Variants in CD247 observed in about 807,000 individuals in gnomAD.
CD247 encodes T-cell surface glycoprotein CD3 zeta chain.
CD247 carries 13 observed loss-of-function variants against 30.0 expected under a neutral mutation model. That is an observed-to-expected ratio of 0.43 (90% CI 0.28 to 0.69). CD247 has a LOEUF of 0.69. CD247 is among the 30% of genes least tolerant of loss of function. The pLI, the probability that CD247 is intolerant of heterozygous loss-of-function variation, is 0.16. For missense variants in CD247, 193 were observed against 212.6 expected, an observed-to-expected ratio of 0.91 and a Z score of 0.57; for synonymous variants, 72 against 80.0, an observed-to-expected ratio of 0.90 and a Z score of 0.53.
intron 1 of CD247, among the ~76,000 whole-genome samples, chr1:167,450,548 A>G (rs1312713805): frequency 6.6e-6 from 1 of 152,230 alleles, no homozygotes; most frequent in Non-Finnish European, 1.5e-5. Context: ...GCTAAGACTA[A>G]TAGTCCAAGA....
chr1:167,518,021 AC>A (rs1355628067), intron 1 of CD247, among the ~76,000 whole-genome samples: 2 of 152,150 alleles, frequency 1.3e-5, no homozygotes, highest in Non-Finnish European at 2.9e-5. Flanking sequence ...AGGGACTAGA[AC>A]GTCGCAGCAC....
intron 1 of CD247, among the ~76,000 whole-genome samples, chr1:167,488,892 G>A (rs1654323460): frequency 6.6e-6 from 1 of 152,308 alleles, no homozygotes; most frequent in African/African-American, 2.4e-5. Context: ...GGGAAGCGAG[G>A]GTGTGCTGAG....
intron 1 of CD247, among the ~76,000 whole-genome samples, chr1:167,498,754 G>C (rs1056820305): frequency 6.6e-6 from 1 of 152,188 alleles, no homozygotes; most frequent in African/African-American, 2.4e-5. Flanking sequence ...ATTTAGGTCT[G>C]ATTGCCTCAT....
At chr1:167,500,953 G>A (rs1654873114) in intron 1 of CD247, among the ~76,000 whole-genome samples, 2 of 152,022 alleles carry the variant, frequency 1.3e-5, no homozygotes, top group South Asian at 4.1e-4. Context: ...GAGGTGGGGA[G>A]AGGCTTACAG....
At chr1:167,484,929 C>G (rs1411507332) in intron 1 of CD247, among the ~76,000 whole-genome samples, 3 of 152,218 alleles carry the variant, frequency 2.0e-5, no homozygotes, top group Non-Finnish European at 4.4e-5. Flanking sequence ...GGGCTCATTC[C>G]CTGCTGCTCT....
At chr1:167,470,310 A>G (rs962646124) in intron 1 of CD247, among the ~76,000 whole-genome samples, 2 of 152,142 alleles carry the variant, frequency 1.3e-5, no homozygotes, top group Admixed American at 1.3e-4. Context: ...TCGAACATCC[A>G]TTCAATATCT....
intron 5 of CD247, 199 bp from the exon 6 acceptor site, chr1:167,434,275 C>T: frequency 1.6e-6 from 1 of 625,968 alleles, no homozygotes; most frequent in Middle Eastern, 3.2e-4. Flanking sequence ...TCATCCTCAG[C>T]CCTTTGGAGT....
chr1:167,497,784 A>G (rs934754846), intron 1 of CD247, among the ~76,000 whole-genome samples: 9 of 152,168 alleles, frequency 5.9e-5, no homozygotes, highest in Admixed American at 5.9e-4. Context: ...AATTCCACCT[A>G]CAATATCTTT....
At chr1:167,467,787 C>G (rs1006880862) in intron 1 of CD247, among the ~76,000 whole-genome samples, 4 of 152,212 alleles carry the variant, frequency 2.6e-5, no homozygotes, top group African/African-American at 7.2e-5. Flanking sequence ...TGACCTAGGG[C>G]CTCCGTCTGG....
intron 1 of CD247, among the ~76,000 whole-genome samples, chr1:167,479,525 G>A (rs571830220): frequency 4.6e-5 from 7 of 152,190 alleles, no homozygotes; most frequent in Non-Finnish European, 8.8e-5. Flanking sequence ...ACGGCCCAGC[G>A]GTGGCCATGC....
chr1:167,471,835 T>C (rs578190697), intron 1 of CD247, among the ~76,000 whole-genome samples: 198 of 143,820 alleles, frequency 1.4e-3, no homozygotes, highest in African/African-American at 4.7e-3. Context: ...TTCTTTCTTT[T>C]TTTTTTTTTT....
intron 1 of CD247, among the ~76,000 whole-genome samples, chr1:167,478,528 C>T (rs1653846271): frequency 6.6e-6 from 1 of 152,078 alleles, no homozygotes; most frequent in African/African-American, 2.4e-5. Flanking sequence ...CAGTGGAACA[C>T]GGGTCAGATT....
chr1:167,477,030 C>T (rs1433769562), intron 1 of CD247, among the ~76,000 whole-genome samples: 1 of 152,188 alleles, frequency 6.6e-6, no homozygotes, highest in South Asian at 2.1e-4. Context: ...AGGCTATTGG[C>T]CCCACTGTTG....
chr1:167,485,589 G>A (rs1277117491), intron 1 of CD247, among the ~76,000 whole-genome samples: 1 of 152,116 alleles, frequency 6.6e-6, no homozygotes. Flanking sequence ...AGATTAGGGA[G>A]CTGCCTTACT....
chr1:167,452,858 T>C (rs1177840542), intron 1 of CD247, among the ~76,000 whole-genome samples: 1 of 151,666 alleles, frequency 6.6e-6, no homozygotes, highest in African/African-American at 2.4e-5. Context: ...AGACAACACT[T>C]GCTATATGCC....
intron 1 of CD247, among the ~76,000 whole-genome samples, chr1:167,507,430 A>G (rs1558033008): frequency 6.6e-6 from 1 of 152,200 alleles, no homozygotes; most frequent in Non-Finnish European, 1.5e-5. Flanking sequence ...CATTCCACAT[A>G]GAATTTTAGA....
intron 1 of CD247, among the ~76,000 whole-genome samples, chr1:167,451,341 G>T (rs576904039): frequency 2.0e-5 from 3 of 152,130 alleles, no homozygotes; most frequent in African/African-American, 7.2e-5. Flanking sequence ...AAGCCAACTG[G>T]AACAAGGCAA....
intron 1 of CD247, among the ~76,000 whole-genome samples, chr1:167,501,580 C>T (rs17534481): frequency 0.19 from 28,722 of 152,270 alleles, 3,410 homozygotes; most frequent in Admixed American, 0.37. Context: ...TTATTGGCTA[C>T]AGAAAGCTGC....
At chr1:167,445,283 G>A (rs1465879713) in intron 1 of CD247, among the ~76,000 whole-genome samples, 1 of 152,052 alleles carries the variant, frequency 6.6e-6, no homozygotes, top group Non-Finnish European at 1.5e-5. Flanking sequence ...TGGGGTGAAG[G>A]ACCCCATAAG....
Sources: allele counts gnomAD v4.1 joint callset (sites outside exome capture counted in the v4.1 genomes callset), GRCh38; gene constraint gnomAD v4.1.1; transcripts MANE v1.5; gene names NCBI Gene and HGNC (gene_info 2026-07-23, HGNC 2026-07-21).